The following EBF1 variants were observed in gnomAD, a reference collection of about 807,000 sequenced individuals.
EBF1 encodes EBF transcription factor 1, also known as transcription factor COE1.
EBF1 carries 10 observed loss-of-function variants against 68.4 expected under a neutral mutation model. That is an observed-to-expected ratio of 0.15 (90% confidence interval 0.09 to 0.25). The LOEUF (loss-of-function observed/expected upper bound fraction) is 0.25, where lower values mean the gene tolerates loss of function less well. Ranked by LOEUF, EBF1 falls within the 10% of genes least tolerant of loss-of-function variation. EBF1 has a pLI of 1.00. For missense variants in EBF1, 509 were observed against 794.4 expected, an observed-to-expected ratio of 0.64 and a Z score of 4.32; for synonymous variants, 298 against 299.8, an observed-to-expected ratio of 0.99 and a Z score of 0.06.
At chr5:158,906,315 A>C (rs970773639) in intron 6 of EBF1, among the ~76,000 whole-genome samples, 4 of 151,870 alleles carry the variant, frequency 2.6e-5, no homozygotes, top group African/African-American at 7.3e-5. Context: ...AAAAAAAAAA[A>C]AAAAAAAGCA....
At chr5:158,820,024 T>G (rs866390479) in intron 8 of EBF1, among the ~76,000 whole-genome samples, 1 of 152,072 alleles carries the variant, frequency 6.6e-6, no homozygotes, top group East Asian at 1.9e-4. Flanking sequence ...AGCCCATGCA[T>G]GAATGTAAAG....
At chr5:159,026,562 C>T (rs573243024) in intron 6 of EBF1, among the ~76,000 whole-genome samples, 1 of 152,150 alleles carries the variant, frequency 6.6e-6, no homozygotes, top group African/African-American at 2.4e-5. Flanking sequence ...CACCATTGCT[C>T]TTACCATCCC....
chr5:158,879,941 G>T lies in EBF1; in HGVS notation c.555-39831C>A, dbSNP rs554528127. The stretch of plus-strand genomic sequence containing the variant: ...TTTCTGGAACATCAGGGCAGGAAGG[G>T]TGTTTAGAGATCGCCTGGTACAATC... On this transcript the variant is annotated intron_variant, in intron 6 of 15. Transcript: ENST00000313708. Among the ~76,000 whole-genome samples, 119 of 152,184 alleles carry T rather than the reference G, an allele frequency of 7.8e-4. 1 individual carries two copies. Among genetic ancestry groups the T allele is most frequent in the Non-Finnish European group, 9.4e-4 (64 of 68,020 alleles).
chr5:158,974,899 C>T (rs1378098439), intron 6 of EBF1, among the ~76,000 whole-genome samples: 4 of 152,190 alleles, frequency 2.6e-5, no homozygotes, highest in Non-Finnish European at 5.9e-5. Context: ...AAAGGGTCTT[C>T]GATGCACCTC....
At chr5:158,712,768 A>C (rs551660899) in intron 13 of EBF1, among the ~76,000 whole-genome samples, 1 of 152,200 alleles carries the variant, frequency 6.6e-6, no homozygotes, top group Non-Finnish European at 1.5e-5. Flanking sequence ...GGCTAAATGC[A>C]TGCATCCTTT....
At chr5:158,859,478 C>T (rs893853639) in intron 6 of EBF1, among the ~76,000 whole-genome samples, 6 of 152,180 alleles carry the variant, frequency 3.9e-5, no homozygotes, top group African/African-American at 1.4e-4. Flanking sequence ...GGTCATTTTA[C>T]ACTTTGGGTA....
chr5:158,771,049 A>G (rs1773766728), intron 10 of EBF1, among the ~76,000 whole-genome samples: 1 of 152,166 alleles, frequency 6.6e-6, no homozygotes, highest in South Asian at 2.1e-4. Flanking sequence ...GAATGAAGTA[A>G]CAAAAGGAAG....
chr5:158,754,988 C>T (rs562509925), intron 10 of EBF1, among the ~76,000 whole-genome samples: 15 of 152,016 alleles, frequency 9.9e-5, no homozygotes, highest in South Asian at 2.1e-4. Flanking sequence ...CATGAGAGGT[C>T]GGGGAGATAA....
At chr5:158,868,114 TA>T (rs1223865666) in intron 6 of EBF1, among the ~76,000 whole-genome samples, 2 of 151,868 alleles carry the variant, frequency 1.3e-5, no homozygotes, top group Admixed American at 6.5e-5. Flanking sequence ...ACAAACAACA[TA>T]AAAAATGGCT....
chr5:158,834,227 C>A (rs972280740), intron 7 of EBF1, among the ~76,000 whole-genome samples: 3 of 152,146 alleles, frequency 2.0e-5, no homozygotes, highest in African/African-American at 4.8e-5. Flanking sequence ...TTGTCTGGCT[C>A]CTGTCGGTTA....
chr5:158,956,830 C>A (rs1439831679), intron 6 of EBF1, among the ~76,000 whole-genome samples: 1 of 144,054 alleles, frequency 6.9e-6, no homozygotes, highest in Non-Finnish European at 1.5e-5. Flanking sequence ...GCGATCTGGG[C>A]TCACTGCAAA....
At chr5:158,898,509 T>A (rs1489635574) in intron 6 of EBF1, among the ~76,000 whole-genome samples, 1 of 152,266 alleles carries the variant, frequency 6.6e-6, no homozygotes, top group Non-Finnish European at 1.5e-5. Flanking sequence ...ATTTTTGCAA[T>A]GCAACTTTTA....
chr5:158,977,395 C>A (rs1420365846), intron 6 of EBF1, among the ~76,000 whole-genome samples: 1 of 152,176 alleles, frequency 6.6e-6, no homozygotes, highest in Admixed American at 6.5e-5. Context: ...TAAAGGGTTT[C>A]TTTAAGTTAG....
Position 158,796,576 on chromosome 5 carries a change from T to A in EBF1, c.779-101A>T, listed in dbSNP as rs1779651484. 2.9e-6 allele frequency: 4 copies of A among 1,368,478 alleles called. No homozygotes were observed. In the East Asian group the frequency reaches 9.8e-5, roughly 34 times the overall value. The allele number at this position is 1,368,478 out of a possible 1,614,324, so 84.8% of individuals were successfully genotyped here. A position where few individuals can be genotyped will look rare whatever the true frequency, so the allele number is the denominator to read the frequency against. On this transcript the variant is annotated intron_variant, in intron 8 of 15. Coordinates refer to ENST00000313708, the MANE Select transcript of EBF1 (RefSeq NM_024007.5). ...AAGGAAAAAAAAAATCTTTTATCTTTTCACTAACAGAAAGTCCCTCAAGAT... is the reference window on the plus strand; with the variant it reads ...AAGGAAAAAAAAAATCTTTTATCTTATCACTAACAGAAAGTCCCTCAAGAT...
At chr5:159,079,674 C>T (rs566275382) in intron 5 of EBF1, among the ~76,000 whole-genome samples, 128 of 145,876 alleles carry the variant, frequency 8.8e-4, no homozygotes, top group African/African-American at 3.1e-3. Context: ...TGCAGTGGCG[C>T]AATCTCTGCT....
intron 6 of EBF1, among the ~76,000 whole-genome samples, chr5:158,885,604 C>G (rs1799889638): frequency 6.6e-6 from 1 of 152,142 alleles, no homozygotes; most frequent in Admixed American, 6.6e-5. Context: ...TGAGCACCTG[C>G]TATGGGCCAG....
intron 8 of EBF1, among the ~76,000 whole-genome samples, chr5:158,804,597 C>G (rs1239972034): frequency 2.0e-5 from 3 of 152,228 alleles, no homozygotes; most frequent in Non-Finnish European, 4.4e-5. Context: ...GTACCTGTAA[C>G]TTCTAAATTG....
In EBF1 at chr5:159,028,402, G is replaced by A. The variant is rs28432744; in HGVS notation, c.554+44994C>T. ...CATACCAAGCAATTGTAATGGTACC[G>A]TACTAGAGGAGGAGATTGCAGAAGG... On this transcript the variant is annotated intron_variant, in intron 6 of 15. Coordinates refer to ENST00000313708, the MANE Select transcript of EBF1 (RefSeq NM_024007.5). 1.9e-3 allele frequency among the ~76,000 whole-genome samples: 283 copies of A among 152,256 alleles called. 2 individuals carry two copies. Among genetic ancestry groups the A allele is most frequent in the African/African-American group, 6.4e-3 (266 of 41,540 alleles).
At chr5:158,952,717 T>C (rs543242196) in intron 6 of EBF1, among the ~76,000 whole-genome samples, 3 of 152,346 alleles carry the variant, frequency 2.0e-5, no homozygotes, top group South Asian at 4.1e-4. Context: ...AAGAATTATG[T>C]GCAACAAAAG....
Sources: allele counts gnomAD v4.1 joint callset (sites outside exome capture counted in the v4.1 genomes callset), GRCh38; gene constraint gnomAD v4.1.1; transcripts MANE v1.5; gene names NCBI Gene and HGNC (gene_info 2026-07-23, HGNC 2026-07-21).